The following BTBD1 variants were observed in gnomAD, a reference collection of about 807,000 sequenced individuals.
BTBD1 encodes BTB/POZ domain-containing protein 1.
Under a neutral mutation model 48.0 loss-of-function variants are expected in BTBD1, and 34 were observed. The observed-to-expected ratio is 0.71, with a 90% CI of 0.54 to 0.94. BTBD1 has a LOEUF of 0.94. BTBD1 is among the 40% of genes least tolerant of loss of function. The probability of loss-of-function intolerance (pLI) is 0.00; values close to 1 mark genes in which losing one functional copy is unlikely to be tolerated. For synonymous variants in BTBD1, 261 were observed against 242.1 expected (o/e 1.08, Z -0.72); for missense variants, 543 against 625.6 (o/e 0.87, Z 1.41).
chr15:83,045,298 C>T (rs998145937), intron 3 of BTBD1, among the ~76,000 whole-genome samples: 1 of 152,106 alleles, frequency 6.6e-6, no homozygotes, highest in South Asian at 2.1e-4. Context: ...AGTTCGAGAC[C>T]ACCCTGGCCA....
At chr15:83,061,277 G>A (rs868401418) in intron 1 of BTBD1, among the ~76,000 whole-genome samples, 8 of 152,240 alleles carry the variant, frequency 5.3e-5, no homozygotes, top group East Asian at 1.9e-4. Flanking sequence ...TAAAAATACC[G>A]TATTATAATC....
At chr15:83,019,111 G>A (rs2032234091) in intron 6 of BTBD1, among the ~76,000 whole-genome samples, 4 of 151,712 alleles carry the variant, frequency 2.6e-5, no homozygotes. Context: ...CTAGCCTGGG[G>A]TGCAGTGTTG....
At chr15:83,046,104 CA>C (rs1418217143) in intron 3 of BTBD1, among the ~76,000 whole-genome samples, 1 of 151,934 alleles carries the variant, frequency 6.6e-6, no homozygotes, top group African/African-American at 2.4e-5. Flanking sequence ...CTTGAATTAC[CA>C]ATTTTTGGGG....
intron 3 of BTBD1, among the ~76,000 whole-genome samples, chr15:83,046,582 G>T (rs890317116): frequency 6.6e-6 from 1 of 152,168 alleles, no homozygotes; most frequent in African/African-American, 2.4e-5. Context: ...AATTTATAAG[G>T]TGTAAGTTAC....
chr15:83,054,718 C>T lies in BTBD1; in HGVS notation c.558+1671G>A, dbSNP rs113212366. Among the ~76,000 whole-genome samples the T allele has an allele frequency of 7.7e-3, 1,169 of 152,086 alleles. 12 individuals carry two copies. Among genetic ancestry groups the T allele is most frequent in the African/African-American group, 0.027 (1,103 of 41,500 alleles). On this transcript the variant is annotated intron_variant, in intron 2 of 7. Transcript: ENST00000261721. ...CTGGGACTACAGGCACGTGCCATCA[C>T]GCCCAGCTAATTTTTGTATTTTTAG...
chr15:83,019,793 C>T (rs1231443919), intron 6 of BTBD1, among the ~76,000 whole-genome samples: 2 of 150,960 alleles, frequency 1.3e-5, no homozygotes, highest in African/African-American at 4.9e-5. Flanking sequence ...GACAGGGTTT[C>T]ACCATGTTGG....
intron 4 of BTBD1, among the ~76,000 whole-genome samples, chr15:83,034,090 C>CAAAAA (rs748026027): frequency 4.5e-5 from 3 of 67,148 alleles, no homozygotes; most frequent in Non-Finnish European, 9.1e-5. Flanking sequence ...CTGTCTACAC[C>CAAAAA]AAAAAAAAAA....
chr15:83,033,793 C>T (rs557310606), intron 4 of BTBD1, among the ~76,000 whole-genome samples: 1 of 151,864 alleles, frequency 6.6e-6, no homozygotes, highest in Non-Finnish European at 1.5e-5. Flanking sequence ...TTTGCCGAGG[C>T]TGGTCTTGAA....
intron 5 of BTBD1, among the ~76,000 whole-genome samples, chr15:83,021,355 GT>G (rs2032291202): frequency 6.6e-6 from 1 of 152,220 alleles, no homozygotes; most frequent in South Asian, 2.1e-4. Context: ...TTCGAATGCA[GT>G]TTCCTAACTA....
chr15:83,066,256 C>T (rs2033267367), intron 1 of BTBD1, among the ~76,000 whole-genome samples: 1 of 151,972 alleles, frequency 6.6e-6, no homozygotes, highest in African/African-American at 2.4e-5. Flanking sequence ...GCCATGATCG[C>T]GCTACAGCAT....
At chr15:83,050,642 T>C (rs771549578) in intron 2 of BTBD1, among the ~76,000 whole-genome samples, 23 of 152,188 alleles carry the variant, frequency 1.5e-4, no homozygotes, top group Non-Finnish European at 8.8e-5. Context: ...TTTTCACTAA[T>C]TATAATATCA....
intron 6 of BTBD1, chr15:83,020,203 T>C (rs147388036): frequency 6.5e-6 from 1 of 152,752 alleles, no homozygotes; most frequent in East Asian, 1.9e-4. Flanking sequence ...CCTGGGTGAT[T>C]AAGGCTGAAG....
At chr15:83,029,780 G>A (rs1202240027) in intron 5 of BTBD1, 8 of 216,750 alleles carry the variant, frequency 3.7e-5, no homozygotes, top group Non-Finnish European at 6.4e-5. Context: ...TGAGGTGGGA[G>A]GATCGCTTGA....
At chr15:83,044,750 G>A in intron 3 of BTBD1, 1 of 1,453,094 alleles carries the variant, frequency 6.9e-7, no homozygotes, top group Non-Finnish European at 9.5e-7. Context: ...CCTGTACTCG[G>A]ATCTATGAAA....
At chr15:83,038,988 A>G (rs999797290) in intron 4 of BTBD1, among the ~76,000 whole-genome samples, 1 of 152,172 alleles carries the variant, frequency 6.6e-6, no homozygotes. Context: ...AATTTATGAC[A>G]AAGTCCTCAA....
intron 4 of BTBD1, among the ~76,000 whole-genome samples, chr15:83,034,986 T>C (rs1024640159): frequency 9.2e-5 from 14 of 152,150 alleles, no homozygotes; most frequent in Admixed American, 6.5e-4. Flanking sequence ...CAAGTATACA[T>C]GGATACTTAT....
intron 1 of BTBD1, among the ~76,000 whole-genome samples, chr15:83,061,027 T>C (rs568912104): frequency 1.3e-5 from 2 of 151,658 alleles, no homozygotes; most frequent in Non-Finnish European, 3.0e-5. Context: ...CAGTCATGCA[T>C]TACTTAAAGA....
chr15:83,018,186 C>CA lies in BTBD1; in HGVS notation c.1329_1330insT (p.Val444CysfsTer4). On this transcript the variant is annotated frameshift_variant, in exon 8 of 8. Transcript: ENST00000261721. LOFTEE classifies it high-confidence loss of function. ...CTTGCAGCAGGTGTCTCATGCACTA[C>CA]TTTCTTCAATCCTTTTGTGCCATAG... 1 of 1,608,698 alleles carries CA rather than the reference C, an allele frequency of 6.2e-7. No individual in the cohort carries two copies. The highest frequency in any genetic ancestry group is 8.5e-7 in the Non-Finnish European group (1 of 1,177,622).
chr15:83,040,699 C>CAAA (rs71156070), intron 4 of BTBD1, among the ~76,000 whole-genome samples: 16 of 57,050 alleles, frequency 2.8e-4, no homozygotes, highest in Admixed American at 4.0e-4. Flanking sequence ...GACCCTGTCT[C>CAAA]AAAAAAAAAA....
Sources: allele counts gnomAD v4.1 joint callset (sites outside exome capture counted in the v4.1 genomes callset), GRCh38; gene constraint gnomAD v4.1.1; transcripts MANE v1.5; gene names NCBI Gene and HGNC (gene_info 2026-07-23, HGNC 2026-07-21).